ELK3: variants seen among roughly 807,000 people sequenced by gnomAD.
The protein encoded by ELK3 is ETS transcription factor ELK3.
A neutral mutation model predicts 28.9 loss-of-function variants in ELK3; 10 were observed. The observed-to-expected ratio is 0.35, with a 90% confidence interval of 0.21 to 0.59. The LOEUF is 0.59. Ranked by LOEUF, ELK3 falls within the 20% of genes least tolerant of loss-of-function variation. The probability of loss-of-function intolerance (pLI) is 0.82; values close to 1 mark genes in which losing one functional copy is unlikely to be tolerated. For missense variants in ELK3, 463 were observed against 517.3 expected (o/e 0.90, Z 1.02); for synonymous variants, 272 against 243.5 (o/e 1.12, Z -1.09).
intron 1 of ELK3, among the ~76,000 whole-genome samples, chr12:96,208,210 C>G (rs1051170577): frequency 7.9e-5 from 12 of 152,168 alleles, no homozygotes; most frequent in African/African-American, 2.4e-4. Context: ...CGCCACCACT[C>G]CCACCTAAGT....
intron 3 of ELK3, among the ~76,000 whole-genome samples, chr12:96,255,137 G>C (rs2137038876): frequency 6.6e-6 from 1 of 152,054 alleles, no homozygotes; most frequent in East Asian, 1.9e-4. Flanking sequence ...ATCTGATGTT[G>C]GGAGTGCCGT....
chr12:96,206,295 CTTCT>C (rs1951537770), intron 1 of ELK3, among the ~76,000 whole-genome samples: 2 of 151,874 alleles, frequency 1.3e-5, no homozygotes, highest in South Asian at 4.2e-4. Flanking sequence ...TTTTCTTTCT[CTTCT>C]TTCTCTTTCC....
chr12:96,201,650 C>T (rs80158777), intron 1 of ELK3, among the ~76,000 whole-genome samples: 1,738 of 151,270 alleles, frequency 0.011, 25 homozygotes, highest in African/African-American at 0.04. Context: ...AAGTCGGAAG[C>T]CCTATTTGTG....
chr12:96,219,958 A>C (rs1951650727), intron 1 of ELK3, among the ~76,000 whole-genome samples: 1 of 152,172 alleles, frequency 6.6e-6, no homozygotes, highest in South Asian at 2.1e-4. Context: ...TGCCTCAGAC[A>C]GGAGAGGCTG....
At chr12:96,239,969 T>G (rs558174198) in intron 2 of ELK3, among the ~76,000 whole-genome samples, 23 of 152,262 alleles carry the variant, frequency 1.5e-4, no homozygotes, top group African/African-American at 5.5e-4. Context: ...CTAGCAGTTA[T>G]TCACATCTGC....
chr12:96,250,323 G>T lies in ELK3; in HGVS notation c.1002+2589G>T, dbSNP rs187219693. On this transcript the variant is annotated intron_variant, in intron 3 of 4. Coordinates refer to ENST00000228741, the MANE Select transcript of ELK3 (RefSeq NM_005230.4). Reference sequence around the variant, plus strand: ...TGAGGGAGACACCAGAGGGGCCCGGGTGGTAGTCAGGGGTGTGGTACTTAT... The same window carrying T: ...TGAGGGAGACACCAGAGGGGCCCGGTTGGTAGTCAGGGGTGTGGTACTTAT... 3.9e-5 allele frequency among the ~76,000 whole-genome samples: 6 copies of T among 152,348 alleles called. No homozygotes were observed. The East Asian group carries it at 5.8e-4, about 15-fold the overall frequency.
At chr12:96,239,273 TG>T (rs1951804186) in intron 2 of ELK3, among the ~76,000 whole-genome samples, 1 of 152,208 alleles carries the variant, frequency 6.6e-6, no homozygotes, top group South Asian at 2.1e-4. Flanking sequence ...TAAATATATA[TG>T]CAATAGAACA....
chr12:96,200,896 CAA>C (rs1350329144), intron 1 of ELK3, among the ~76,000 whole-genome samples: 2 of 152,094 alleles, frequency 1.3e-5, no homozygotes, highest in African/African-American at 4.8e-5. Context: ...CTCCTGGCCT[CAA>C]GAGATCTGCC....
At chr12:96,218,787 C>T (rs1191958023) in intron 1 of ELK3, among the ~76,000 whole-genome samples, 4 of 151,626 alleles carry the variant, frequency 2.6e-5, no homozygotes, top group African/African-American at 9.7e-5. Flanking sequence ...TAGCTGGGAC[C>T]ACAGGCGCCC....
intron 3 of ELK3, among the ~76,000 whole-genome samples, chr12:96,256,382 A>ACT (rs1332118545): frequency 6.6e-6 from 1 of 151,802 alleles, no homozygotes; most frequent in Non-Finnish European, 1.5e-5. Flanking sequence ...CATAGTTTGC[A>ACT]CTCTCGGTCA....
At chr12:96,237,452 G>GCTGACT (rs1358876329) in intron 2 of ELK3, among the ~76,000 whole-genome samples, 2 of 152,210 alleles carry the variant, frequency 1.3e-5, no homozygotes, top group Non-Finnish European at 2.9e-5. Context: ...CTTATGGCCA[G>GCTGACT]CTGACTGCTC....
intron 3 of ELK3, among the ~76,000 whole-genome samples, chr12:96,255,848 AC>A (rs1241119903): frequency 6.6e-6 from 1 of 152,126 alleles, no homozygotes; most frequent in East Asian, 1.9e-4. Context: ...AAAGTAAGTC[AC>A]CATATATAGG....
chr12:96,238,909 C>T (rs896736357), intron 2 of ELK3, among the ~76,000 whole-genome samples: 1 of 152,162 alleles, frequency 6.6e-6, no homozygotes, highest in Non-Finnish European at 1.5e-5. Flanking sequence ...GTCGGATTTA[C>T]TTTAGTAGCA....
intron 3 of ELK3, among the ~76,000 whole-genome samples, chr12:96,259,473 G>T: frequency 6.6e-6 from 1 of 152,192 alleles, no homozygotes; most frequent in Non-Finnish European, 1.5e-5. Context: ...TTAAACCCAG[G>T]AAGTGGAGGT....
chr12:96,245,333 A>G (rs1000862851), intron 2 of ELK3, among the ~76,000 whole-genome samples: 4 of 152,124 alleles, frequency 2.6e-5, no homozygotes, highest in African/African-American at 9.7e-5. Flanking sequence ...CTCTCCCCCT[A>G]AATTTGTGTG....
chr12:96,256,460 G>T (rs993524106), intron 3 of ELK3, among the ~76,000 whole-genome samples: 1 of 152,156 alleles, frequency 6.6e-6, no homozygotes, highest in African/African-American at 2.4e-5. Context: ...AAGAAACACT[G>T]ATGTGGAAAG....
chr12:96,242,053 C>T (rs1951825241), intron 2 of ELK3, among the ~76,000 whole-genome samples: 1 of 152,250 alleles, frequency 6.6e-6, no homozygotes, highest in African/African-American at 2.4e-5. Context: ...CACTCAGCTC[C>T]ACCCGACACA....
chr12:96,214,338 C>T (rs994432090), intron 1 of ELK3, among the ~76,000 whole-genome samples: 2 of 151,722 alleles, frequency 1.3e-5, no homozygotes, highest in Non-Finnish European at 2.9e-5. Flanking sequence ...GGCTGAGGCA[C>T]GAGAATCACT....
intron 4 of ELK3, among the ~76,000 whole-genome samples, chr12:96,264,571 C>T (rs1036149594): frequency 1.1e-4 from 17 of 151,906 alleles, no homozygotes; most frequent in African/African-American, 4.1e-4. Context: ...TCACTTGAGC[C>T]CAAGAGTTCG....
Sources: gnomAD v4.1 joint callset for allele counts (sites outside exome capture counted in the v4.1 genomes callset) on GRCh38, gnomAD v4.1.1 for gene constraint, MANE v1.5 for transcripts, NCBI Gene and HGNC (gene_info 2026-07-23, HGNC 2026-07-21) for gene names.